EFR3A: variants seen among roughly 807,000 people sequenced by gnomAD.
EFR3A encodes the protein protein EFR3 homolog A.
In EFR3A, 76 loss-of-function variants were observed where a neutral mutation model predicts 104.4. The observed-to-expected ratio is 0.73, with a 90% CI of 0.60 to 0.88. The LOEUF (loss-of-function observed/expected upper bound fraction) is 0.88. Among genes scored for constraint, EFR3A ranks in the 40% least tolerant of loss-of-function variants. The pLI is 0.00. For missense variants in EFR3A, 985 were observed against 1,012.5 expected (o/e 0.97, Z 0.37); for synonymous variants, 330 against 330.0 (o/e 1.00, Z 0.00).
intron 12 of EFR3A, among the ~76,000 whole-genome samples, 161 bp downstream of exon 12, chr8:131,977,253 C>T (rs866448890): frequency 6.6e-6 from 1 of 151,760 alleles, no homozygotes. Context: ...ATTTTTTTAC[C>T]GTTTATTTCT....
intron 1 of EFR3A, 156 bp from the exon 2 acceptor site, chr8:131,940,343 T>C: frequency 1.3e-6 from 1 of 754,496 alleles, no homozygotes; most frequent in Non-Finnish European, 2.0e-6. Flanking sequence ...TTTAACTTTG[T>C]CTTTTCTTAA....
chr8:131,972,547 A>G (rs1820123781), intron 10 of EFR3A, among the ~76,000 whole-genome samples: 1 of 152,098 alleles, frequency 6.6e-6, no homozygotes, highest in African/African-American at 2.4e-5. Context: ...AATTTTGGAA[A>G]TGAAATAATC....
At chr8:131,996,183 C>T (rs1026104345) in intron 18 of EFR3A, among the ~76,000 whole-genome samples, 6 of 151,908 alleles carry the variant, frequency 3.9e-5, no homozygotes, top group African/African-American at 9.7e-5. Flanking sequence ...AATAAAAATC[C>T]GATAACCTTA....
chr8:131,990,211 A>T (rs1821102110), intron 18 of EFR3A, among the ~76,000 whole-genome samples: 1 of 152,248 alleles, frequency 6.6e-6, no homozygotes, highest in Non-Finnish European at 1.5e-5. Context: ...ATTTGGTATT[A>T]TTCTAGGTGC....
chr8:131,980,402 T>C (rs1036550015), intron 14 of EFR3A, among the ~76,000 whole-genome samples: 29 of 152,138 alleles, frequency 1.9e-4, no homozygotes, highest in African/African-American at 6.3e-4. Context: ...CTATACTGTA[T>C]ATCAAAAAAC....
intron 19 of EFR3A, among the ~76,000 whole-genome samples, chr8:131,999,855 T>G (rs1821702207): frequency 6.6e-6 from 1 of 152,070 alleles, no homozygotes; most frequent in Admixed American, 6.5e-5. Context: ...GAGTTGTGCT[T>G]TCATAAAAAG....
intron 1 of EFR3A, chr8:131,935,401 C>A: frequency 3.1e-6 from 1 of 317,512 alleles, no homozygotes. Context: ...AAGACAGACA[C>A]ATATATGTAA....
At chr8:131,955,976 G>T in intron 7 of EFR3A, 71 bp downstream of exon 7, 3 of 1,548,640 alleles carry the variant, frequency 1.9e-6, no homozygotes, top group Non-Finnish European at 2.6e-6. Context: ...TATTTATAGA[G>T]GACAACTACT....
Position 131,979,391 on chromosome 8 carries a change from T to C in EFR3A, c.1545T>C (p.Ile515=), listed in dbSNP as rs748572749. The change falls in exon 14 of 23, where the codon ATT becomes ATC. Residue 515 remains isoleucine (I), a synonymous_variant. Coordinates refer to ENST00000254624, the MANE Select transcript of EFR3A (RefSeq NM_015137.6). ...VADLKIKREK[I]CRQDTSFMKK... is the part of the protein sequence containing the mutation. ...ACCTAAAGATAAAAAGAGAAAAAAT[T>C]TGCAGACAAGACACAAGTTTCATGA... 6.4e-7 allele frequency: 1 copy of C among 1,567,576 alleles called. No individual in the cohort carries two copies. Among genetic ancestry groups the C allele is most frequent in the East Asian group, 2.3e-5 (1 of 42,656 alleles).
chr8:131,948,476 CACTT>C (rs1189032128), intron 4 of EFR3A, among the ~76,000 whole-genome samples: 1 of 152,100 alleles, frequency 6.6e-6, no homozygotes, highest in African/African-American at 2.4e-5. Flanking sequence ...TGATTTTTAT[CACTT>C]ACTTCAGCAG....
intron 15 of EFR3A, 76 bp downstream of exon 15, chr8:131,984,376 C>A: frequency 7.4e-7 from 1 of 1,351,098 alleles, no homozygotes; most frequent in Non-Finnish European, 9.8e-7. Context: ...TTGCCGTTAT[C>A]CAAGGACATG....
intron 1 of EFR3A, among the ~76,000 whole-genome samples, chr8:131,910,642 C>A (rs911575482): frequency 2.0e-5 from 3 of 152,204 alleles, no homozygotes; most frequent in African/African-American, 7.2e-5. Context: ...CCACACACAC[C>A]TCTGTAAAAG....
At chr8:131,924,713 C>T (rs1007853374) in intron 1 of EFR3A, among the ~76,000 whole-genome samples, 1 of 152,080 alleles carries the variant, frequency 6.6e-6, no homozygotes, top group African/African-American at 2.4e-5. Flanking sequence ...AGAAACTTGT[C>T]CTAATCAGTC....
At chr8:131,922,821 T>C (rs1243207921) in intron 1 of EFR3A, among the ~76,000 whole-genome samples, 2 of 152,128 alleles carry the variant, frequency 1.3e-5, no homozygotes, top group African/African-American at 4.8e-5. Flanking sequence ...AATTCTTAGA[T>C]TGGTTTTGGT....
At chr8:131,990,618 A>G (rs1821128435) in intron 18 of EFR3A, among the ~76,000 whole-genome samples, 1 of 152,162 alleles carries the variant, frequency 6.6e-6, no homozygotes, top group African/African-American at 2.4e-5. Flanking sequence ...TAATCAGAGG[A>G]TAACATGATC....
In EFR3A at chr8:131,950,016, A is replaced by G; in HGVS notation, c.414A>G (p.Arg138=). ...AAGAAGACACACCATCCTATCACAG[A>G]CGTTATGACTTTTTTGTGTCTCGAT... ...NIEEDTPSYH[R]RYDFFVSRFS... The change falls in exon 5 of 23, where the codon AGA becomes AGG. Residue 138 remains arginine, a synonymous_variant. Coordinates refer to ENST00000254624, the MANE Select transcript of EFR3A (RefSeq NM_015137.6). 2 of 1,606,154 alleles carry G rather than the reference A, an allele frequency of 1.2e-6. No homozygotes were observed. The highest frequency in any genetic ancestry group is 1.7e-6 in the Non-Finnish European group (2 of 1,177,204).
chr8:131,950,126 A>G (rs1183043344), intron 5 of EFR3A, 36 bp downstream of exon 5: 2 of 1,539,934 alleles, frequency 1.3e-6, no homozygotes, highest in Non-Finnish European at 1.8e-6. Flanking sequence ...TATAGTAAGT[A>G]ATTTAGAGAT....
At chr8:131,995,186 T>C (rs1821411193) in intron 18 of EFR3A, among the ~76,000 whole-genome samples, 1 of 152,166 alleles carries the variant, frequency 6.6e-6, no homozygotes, top group African/African-American at 2.4e-5. Flanking sequence ...AGAATTACCA[T>C]CTCCATGCTG....
chr8:131,996,445 C>A lies in EFR3A; in HGVS notation c.2105C>A (p.Thr702Asn). 2 of 1,599,348 alleles carry A rather than the reference C, an allele frequency of 1.3e-6. No individual in the cohort carries two copies. The highest frequency in any genetic ancestry group is 1.7e-6 in the Non-Finnish European group (2 of 1,174,760). The change falls in exon 19 of 23, where the codon ACC (threonine) becomes AAC (asparagine). Residue 702 changes from threonine to asparagine, a missense_variant. Physicochemically the swap from Thr to Asn is moderately conservative, Grantham distance 65. Coordinates refer to ENST00000254624, the MANE Select transcript of EFR3A (RefSeq NM_015137.6). ...TCTAGAAGAAAAAGCATTGTGGACA[C>A]CGTATCCATTCAGGTGGATATTTTA... ...RLSRRKSIVDTVSIQVDILSN... is the reference protein window; with the variant it reads ...RLSRRKSIVDNVSIQVDILSN...
Sources: gnomAD v4.1 joint callset for allele counts (sites outside exome capture counted in the v4.1 genomes callset) on GRCh38, gnomAD v4.1.1 for gene constraint, MANE v1.5 for transcripts, NCBI Gene and HGNC (gene_info 2026-07-23, HGNC 2026-07-21) for gene names.